SETBP1: variants seen among roughly 807,000 people sequenced by gnomAD.
SETBP1 encodes SET binding protein 1, also known as SET-binding protein.
SETBP1 carries 9 observed loss-of-function variants against 101.0 expected under a neutral mutation model. The observed-to-expected ratio is 0.09, with a 90% CI of 0.05 to 0.16. The LOEUF (loss-of-function observed/expected upper bound fraction) is 0.16, where lower values mean the gene tolerates loss of function less well. Among genes scored for constraint, SETBP1 ranks in the 10% least tolerant of loss-of-function variants. The pLI is 1.00. For synonymous variants in SETBP1, 818 were observed against 788.5 expected (o/e 1.04, Z -0.63); for missense variants, 1,858 against 2,033.8 (o/e 0.91, Z 1.66).
Position 44,898,476 on chromosome 18 carries a change from A to T in SETBP1, c.540+29193A>T, listed in dbSNP as rs113382785. ...CCACCTAGAAAGTTAGAATTTTAAT[A>T]AGCCCTGCAGGTAAATCTGATGGAG... On this transcript the variant is annotated intron_variant, in intron 3 of 5. Transcript: ENST00000649279. 6.9e-3 allele frequency among the ~76,000 whole-genome samples: 1,048 copies of T among 152,302 alleles called. 16 individuals carry two copies. The highest frequency in any genetic ancestry group is 0.024 in the African/African-American group (1,000 of 41,562).
Position 44,950,543 on chromosome 18 carries a change from G to C in SETBP1, c.1203G>C (p.Arg401=). 1 of 1,614,054 alleles carries C rather than the reference G, an allele frequency of 6.2e-7. No individual in the cohort carries two copies. Among genetic ancestry groups the C allele is most frequent in the East Asian group, 2.2e-5 (1 of 44,856 alleles). Residue 401 remains arginine, a synonymous_variant, in exon 4 of 6, where the codon CGG becomes CGC. Transcript: ENST00000649279. The part of the protein sequence containing the change: ...SNPENDSSHV[R]ITIPIKAPSL... ...CTGAAAATGACTCAAGTCATGTCCG[G>C]ATTACTATCCCCATCAAGGCACCCT...
chr18:44,868,689 AGAGAGAGAGGACGGAAGGAAGG>A (rs1296953803), intron 2 of SETBP1, among the ~76,000 whole-genome samples: 3 of 130,886 alleles, frequency 2.3e-5, no homozygotes, highest in East Asian at 4.5e-4. Context: ...AGAGAGAGAG[AGAGAGAGAGGACGGAAGGAAGG>A]GAGGAAGGAA....
At chr18:45,003,989 G>A (rs898017582) in intron 4 of SETBP1, among the ~76,000 whole-genome samples, 3 of 152,186 alleles carry the variant, frequency 2.0e-5, no homozygotes, top group Non-Finnish European at 2.9e-5. Context: ...CTAAGTGGGG[G>A]CTTCTGCTGG....
At position 45,067,835 on chromosome 18, in the gene SETBP1, A is replaced by G. The variant is rs2073988216; in HGVS notation, c.*4137A>G. ...CAAGGAAGAAACTTCCTGGATATCT[A>G]TTGCCCACTTGCCCAGGTCTAATAA... On this transcript the variant is annotated 3_prime_UTR_variant, in exon 6 of 6. Transcript: ENST00000649279. 6.6e-6 allele frequency: 1 copy of G among 152,122 alleles called. No homozygotes were observed. Among genetic ancestry groups the G allele is most frequent in the Non-Finnish European group, 1.5e-5 (1 of 68,030 alleles). 9.4% of individuals were successfully genotyped at this position (152,122 alleles called of 1,614,324 possible).
In SETBP1 at chr18:44,952,324, C is replaced by T. The variant is rs1013272556; in HGVS notation, c.2984C>T (p.Pro995Leu). 3.7e-6 allele frequency: 6 copies of T among 1,614,012 alleles called. No individual in the cohort carries two copies. The highest frequency in any genetic ancestry group is 2.2e-5 in the East Asian group (1 of 44,870). ...CGGATTAATTTTGATCACTATTACC[C>T]GGTGCCATATATCCAGTATGACCCG... ...IFRINFDHYY[P>L]VPYIQYDPLL... The change falls in exon 4 of 6, where the codon CCG (proline) becomes CTG (leucine). Residue 995 changes from proline to leucine, a missense_variant. Transcript: ENST00000649279.
intron 4 of SETBP1, among the ~76,000 whole-genome samples, chr18:45,004,188 C>T (rs923450560): frequency 1.3e-5 from 2 of 152,164 alleles, no homozygotes; most frequent in East Asian, 3.9e-4. Context: ...TGAACATAGC[C>T]CCGGCAAAAT....
intron 2 of SETBP1, among the ~76,000 whole-genome samples, chr18:44,863,604 A>G (rs909243773): frequency 6.6e-6 from 1 of 152,248 alleles, no homozygotes; most frequent in Non-Finnish European, 1.5e-5. Flanking sequence ...GGAGAAAAAG[A>G]TTCATTTCCT....
At chr18:44,726,809 G>A (rs139576915) in intron 2 of SETBP1, among the ~76,000 whole-genome samples, 4 of 152,240 alleles carry the variant, frequency 2.6e-5, no homozygotes, top group East Asian at 1.9e-4. Flanking sequence ...GTAATAATAC[G>A]TGGAGAAGAG....
intron 3 of SETBP1, among the ~76,000 whole-genome samples, chr18:44,880,268 G>C (rs927455620): frequency 2.0e-5 from 3 of 152,178 alleles, no homozygotes; most frequent in Admixed American, 1.3e-4. Context: ...GGGAGTGAGA[G>C]GGCATCTGCA....
intron 2 of SETBP1, among the ~76,000 whole-genome samples, chr18:44,830,792 A>G (rs1158232525): frequency 2.6e-5 from 4 of 152,220 alleles, no homozygotes; most frequent in African/African-American, 4.8e-5. Flanking sequence ...AGGTTACTGT[A>G]TACTATTTGG....
chr18:44,862,562 A>C (rs2069038361), intron 2 of SETBP1, among the ~76,000 whole-genome samples: 1 of 152,042 alleles, frequency 6.6e-6, no homozygotes, highest in Non-Finnish European at 1.5e-5. Context: ...ATGCCTTTTG[A>C]ATTGGAAGAT....
intron 5 of SETBP1, among the ~76,000 whole-genome samples, chr18:45,054,336 C>T (rs1010547512): frequency 9.2e-5 from 14 of 152,038 alleles, no homozygotes; most frequent in South Asian, 2.1e-4. Flanking sequence ...TGCAGGCGTG[C>T]GCCACCACAC....
At chr18:45,026,599 G>T (rs1482366072) in intron 4 of SETBP1, among the ~76,000 whole-genome samples, 2 of 152,064 alleles carry the variant, frequency 1.3e-5, no homozygotes, top group Non-Finnish European at 2.9e-5. Flanking sequence ...GTGCATACTT[G>T]GTACATTGTA....
intron 4 of SETBP1, among the ~76,000 whole-genome samples, chr18:44,992,588 T>C (rs1176837054): frequency 2.6e-5 from 4 of 152,054 alleles, no homozygotes; most frequent in Admixed American, 6.5e-5. Context: ...TATGTCAACA[T>C]ATTTGAACAC....
At chr18:44,966,837 G>A (rs1438843212) in intron 4 of SETBP1, among the ~76,000 whole-genome samples, 1 of 152,152 alleles carries the variant, frequency 6.6e-6, no homozygotes, top group Non-Finnish European at 1.5e-5. Context: ...GGGCAACTTA[G>A]GCTCTTAGAT....
intron 3 of SETBP1, among the ~76,000 whole-genome samples, chr18:44,934,336 A>T (rs989386306): frequency 1.3e-5 from 2 of 151,996 alleles, no homozygotes; most frequent in Admixed American, 1.3e-4. Context: ...TTTAATAGAG[A>T]CGGGGTTTTG....
intron 2 of SETBP1, among the ~76,000 whole-genome samples, chr18:44,731,319 G>A (rs2069833275): frequency 6.6e-6 from 1 of 152,194 alleles, no homozygotes; most frequent in Non-Finnish European, 1.5e-5. Context: ...AGGCTTTGCA[G>A]AAGCTGTGCT....
chr18:44,889,582 T>G (rs1224690099), intron 3 of SETBP1, among the ~76,000 whole-genome samples: 2 of 152,084 alleles, frequency 1.3e-5, no homozygotes, highest in Admixed American at 6.6e-5. Context: ...TAGGTGTGAG[T>G]TGCACTGACT....
At chr18:44,905,473 C>T (rs2070152471) in intron 3 of SETBP1, among the ~76,000 whole-genome samples, 1 of 152,130 alleles carries the variant, frequency 6.6e-6, no homozygotes, top group African/African-American at 2.4e-5. Context: ...CTTAGATACT[C>T]AGTAACTATG....
Sources: allele counts gnomAD v4.1 joint callset (sites outside exome capture counted in the v4.1 genomes callset), GRCh38; gene constraint gnomAD v4.1.1; transcripts MANE v1.5; gene names NCBI Gene and HGNC (gene_info 2026-07-23, HGNC 2026-07-21).